SPTBN1: variants seen among roughly 807,000 people sequenced by gnomAD.
The protein encoded by SPTBN1 is spectrin beta chain, non-erythrocytic 1.
A neutral mutation model predicts 266.4 loss-of-function variants in SPTBN1; 32 were observed. That is an observed-to-expected ratio of 0.12 (90% CI 0.09 to 0.16). The LOEUF is 0.16. Ranked by LOEUF, SPTBN1 falls within the 10% of genes least tolerant of loss-of-function variation. The pLI, the probability that SPTBN1 is intolerant of heterozygous loss-of-function variation, is 1.00. For synonymous variants in SPTBN1, 1,336 were observed against 1,162.2 expected (o/e 1.15, Z -3.04); for missense variants, 2,296 against 3,067.1 (o/e 0.75, Z 5.94).
chr2:54,638,295 C>G (rs1019061997), intron 18 of SPTBN1, among the ~76,000 whole-genome samples: 2 of 152,216 alleles, frequency 1.3e-5, no homozygotes, highest in African/African-American at 2.4e-5. Flanking sequence ...GTCATGCTTT[C>G]ACTCTTTAAA....
chr2:54,664,758 T>C lies in SPTBN1; in HGVS notation c.6659+67T>C. 6.7e-7 allele frequency: 1 copy of C among 1,491,878 alleles called. No individual in the cohort carries two copies. Among genetic ancestry groups the C allele is most frequent in the South Asian group, 1.2e-5 (1 of 85,218 alleles). The allele number at this position is 1,491,878 out of a possible 1,614,324, so 92.4% of individuals were successfully genotyped here. A position where few individuals can be genotyped will look rare whatever the true frequency, so the allele number is the denominator to read the frequency against. ...CCTGTGAAGGGATAAGGCGGGCCAC[T>C]CTTGAATTGGAAGAGAAGTATGTGC... On this transcript the variant is annotated intron_variant, in intron 33 of 35. Transcript: ENST00000356805. The surrounding 1 kb of genome is among the most constrained non-coding windows in gnomAD (Gnocchi z 5.6).
intron 32 of SPTBN1, chr2:54,662,103 A>G (rs1681087514): frequency 1.0e-6 from 1 of 985,376 alleles, no homozygotes; most frequent in Non-Finnish European, 1.2e-6. Context: ...TGATTTAAGT[A>G]TCTCGGGTGT....
chr2:54,563,216 C>T (rs1446148817), intron 2 of SPTBN1, among the ~76,000 whole-genome samples: 1 of 152,166 alleles, frequency 6.6e-6, no homozygotes, highest in African/African-American at 2.4e-5. Flanking sequence ...CCTCTCCTGC[C>T]AACCTGCCCC....
At chr2:54,595,339 C>G (rs1675997226) in intron 2 of SPTBN1, among the ~76,000 whole-genome samples, 1 of 152,152 alleles carries the variant, frequency 6.6e-6, no homozygotes, top group East Asian at 1.9e-4. Flanking sequence ...AGAGATACCC[C>G]CAGAGGGCAG....
chr2:54,621,092 C>T (rs1028258572), intron 7 of SPTBN1, among the ~76,000 whole-genome samples: 2 of 152,176 alleles, frequency 1.3e-5, no homozygotes, highest in African/African-American at 4.8e-5. Flanking sequence ...TGACAGGGGG[C>T]GGTGCTGGTC....
At chr2:54,577,896 C>T (rs548109740) in intron 2 of SPTBN1, among the ~76,000 whole-genome samples, 1 of 151,448 alleles carries the variant, frequency 6.6e-6, no homozygotes, top group East Asian at 1.9e-4. Flanking sequence ...GGTAGAAATT[C>T]CTGATCCTTT....
At chr2:54,498,781 T>C (rs1000412257) in intron 1 of SPTBN1, among the ~76,000 whole-genome samples, 1 of 152,186 alleles carries the variant, frequency 6.6e-6, no homozygotes, top group African/African-American at 2.4e-5. Context: ...ATTTGATAAA[T>C]ATGTCTGGAG....
At chr2:54,642,762 G>T (rs1032659356) in intron 18 of SPTBN1, among the ~76,000 whole-genome samples, 2 of 152,120 alleles carry the variant, frequency 1.3e-5, no homozygotes, top group Non-Finnish European at 2.9e-5. Flanking sequence ...TGTACTTCTG[G>T]AATGAATGTT....
In SPTBN1 at chr2:54,668,930, A is replaced by C; in HGVS notation, c.*361A>C. The C allele has an allele frequency of 4.1e-6, 1 of 243,282 alleles. No individual in the cohort carries two copies. Among genetic ancestry groups the C allele is most frequent in the Non-Finnish European group, 8.1e-6 (1 of 122,792 alleles). 15.1% of individuals were successfully genotyped at this position (243,282 alleles called of 1,614,324 possible). On this transcript the variant is annotated 3_prime_UTR_variant, in exon 36 of 36. Coordinates refer to ENST00000356805, the MANE Select transcript of SPTBN1 (RefSeq NM_003128.3). ...TGCTTAATCAATATTTCCTGTGCTCACCAGAGGCAAAATGTACCAATATCC... is the reference window on the plus strand; with the variant it reads ...TGCTTAATCAATATTTCCTGTGCTCCCCAGAGGCAAAATGTACCAATATCC...
chr2:54,565,405 A>C (rs1332212029), intron 2 of SPTBN1, among the ~76,000 whole-genome samples: 1 of 152,196 alleles, frequency 6.6e-6, no homozygotes, highest in Non-Finnish European at 1.5e-5. Flanking sequence ...TAAATTAGAG[A>C]AGCCGTTGAA....
chr2:54,548,589 T>G (rs1672385002), intron 2 of SPTBN1, among the ~76,000 whole-genome samples: 1 of 152,232 alleles, frequency 6.6e-6, no homozygotes, highest in South Asian at 2.1e-4. Flanking sequence ...ACTTCCTTTG[T>G]GCTTAGCTTC....
At chr2:54,613,522 A>C (rs1235469724) in intron 4 of SPTBN1, among the ~76,000 whole-genome samples, 9 of 152,196 alleles carry the variant, frequency 5.9e-5, no homozygotes, top group Admixed American at 5.9e-4. Flanking sequence ...TACAGGAAGA[A>C]ATATCTTCCT....
Position 54,626,101 on chromosome 2 carries a change from A to G in SPTBN1, c.1511A>G (p.Asp504Gly). The G allele has an allele frequency of 6.2e-7, 1 of 1,614,208 alleles. No homozygotes were observed. Residue 504 changes from aspartate to glycine, a missense_variant, in exon 12 of 36, where the codon GAC becomes GGC. By Grantham distance (94) the Asp-to-Gly change is moderately conservative (BLOSUM62 -1). This residue lies in a region of SPTBN1 where 434 missense variants were observed against 573.9 expected (regional missense o/e 0.76). Coordinates refer to ENST00000356805, the MANE Select transcript of SPTBN1 (RefSeq NM_003128.3). This position sits in a 1 kb window ranked among gnomAD's most constrained non-coding sequence, Gnocchi z 4.7. ...ATCAAGCGCATCACAGCGAGGAAGG[A>G]CAATGTCATCCGGCTCTGGGAATAC... ...HDIKRITARK[D>G]NVIRLWEYLL...
chr2:54,616,166 C>T (rs1677593375), intron 4 of SPTBN1, 41 bp from the exon 5 acceptor site: 1 of 1,573,448 alleles, frequency 6.4e-7, no homozygotes, highest in African/African-American at 1.4e-5. Flanking sequence ...TTTTAGGCAG[C>T]TGACCCATCT....
chr2:54,571,486 C>A (rs922305801), intron 2 of SPTBN1, among the ~76,000 whole-genome samples: 1 of 152,052 alleles, frequency 6.6e-6, no homozygotes, highest in Non-Finnish European at 1.5e-5. Flanking sequence ...CCCAGGCACA[C>A]TGGGTGGTGA....
chr2:54,492,341 G>GTTTTTTTTTTTTT (rs780631106), intron 1 of SPTBN1, among the ~76,000 whole-genome samples: 2 of 88,392 alleles, frequency 2.3e-5, no homozygotes, highest in Non-Finnish European at 4.6e-5. Flanking sequence ...GTCTGCAGTT[G>GTTTTTTTTTTTTT]TTTTTTTGTT....
chr2:54,558,485 GCCTCCTCTCTGCTTCTC>G lies in SPTBN1; in HGVS notation c.148+31927_148+31943del. On this transcript the variant is annotated intron_variant, in intron 2 of 35. Transcript: ENST00000356805. This position sits in a 1 kb window ranked among gnomAD's most constrained non-coding sequence, Gnocchi z 4.6. ...TTAAAAGTTCTGAAGTAGAACCTGC[GCCTCCTCTCTGCTTCTC>G]CCTCCTCCTCAGTAATTTATTTCGA... is the stretch of plus-strand genomic sequence containing the variant. The G allele has an allele frequency of 8.8e-7, 1 of 1,135,444 alleles. No individual in the cohort carries two copies. Among genetic ancestry groups the G allele is most frequent in the South Asian group, 3.5e-5 (1 of 28,640 alleles). 70.3% of individuals were successfully genotyped at this position (1,135,444 alleles called of 1,614,324 possible).
At chr2:54,579,511 G>T (rs960469560) in intron 2 of SPTBN1, among the ~76,000 whole-genome samples, 2 of 152,140 alleles carry the variant, frequency 1.3e-5, no homozygotes. Context: ...TAGCATTAGC[G>T]CACGTGCTAT....
intron 34 of SPTBN1, 55 bp downstream of exon 34, chr2:54,666,143 C>T (rs908686574): frequency 1.9e-6 from 3 of 1,540,090 alleles, no homozygotes; most frequent in East Asian, 2.3e-5. Flanking sequence ...TACTTCCACT[C>T]TGGGGTTTGG....
Sources: gnomAD v4.1 joint callset for allele counts (sites outside exome capture counted in the v4.1 genomes callset) on GRCh38, gnomAD v4.1.1 for gene constraint, gnomAD v4.1.1 regional missense constraint, Gnocchi (gnomAD v3.1) non-coding constraint, MANE v1.5 for transcripts, NCBI Gene and HGNC (gene_info 2026-07-23, HGNC 2026-07-21) for gene names.